MGAT4C: variants seen among roughly 807,000 people sequenced by gnomAD.
MGAT4C encodes the protein MGAT4 family member C.
In MGAT4C, 19 loss-of-function variants were observed where a neutral mutation model predicts 40.1. That is an observed-to-expected ratio of 0.47 (90% CI 0.33 to 0.70). MGAT4C has a LOEUF of 0.70. Among genes scored for constraint, MGAT4C ranks in the 30% least tolerant of loss-of-function variants. The pLI is 0.02. For synonymous variants in MGAT4C, 181 were observed against 187.1 expected, an observed-to-expected ratio of 0.97 and a Z score of 0.27; for missense variants, 491 against 563.2, an observed-to-expected ratio of 0.87 and a Z score of 1.30.
intron 2 of MGAT4C, among the ~76,000 whole-genome samples, chr12:86,628,750 T>C (rs1593059292): frequency 6.6e-6 from 1 of 152,094 alleles, no homozygotes; most frequent in Non-Finnish European, 1.5e-5. Context: ...AAGGAAGCAC[T>C]AAACACGGAA....
At chr12:86,439,432 T>C (rs923020940) in intron 2 of MGAT4C, among the ~76,000 whole-genome samples, 1 of 151,946 alleles carries the variant, frequency 6.6e-6, no homozygotes, top group Non-Finnish European at 1.5e-5. Flanking sequence ...AAATGAATGA[T>C]AACAGTGACA....
At chr12:86,429,799 T>C (rs1956998742) in intron 3 of MGAT4C, among the ~76,000 whole-genome samples, 1 of 152,184 alleles carries the variant, frequency 6.6e-6, no homozygotes, top group Non-Finnish European at 1.5e-5. Flanking sequence ...ATGCTTTCTG[T>C]ATCTGGTTAT....
At chr12:86,096,396 AC>A (rs1190260336) in intron 1 of MGAT4C, among the ~76,000 whole-genome samples, 4 of 145,852 alleles carry the variant, frequency 2.7e-5, no homozygotes, top group Non-Finnish European at 6.1e-5. Context: ...TCTTGAATTA[AC>A]TCCTCCCCTC....
At chr12:86,118,729 AAAAT>A (rs1314683276) in intron 1 of MGAT4C, among the ~76,000 whole-genome samples, 1 of 152,212 alleles carries the variant, frequency 6.6e-6, no homozygotes. Context: ...ACTGACTTTA[AAAAT>A]AAATAGAGAT....
intron 1 of MGAT4C, among the ~76,000 whole-genome samples, chr12:86,835,883 A>T (rs781085055): frequency 7.2e-5 from 11 of 151,878 alleles, no homozygotes; most frequent in Non-Finnish European, 1.5e-4. Context: ...ACACACACAA[A>T]CATCATTAAA....
chr12:86,716,938 T>C lies in MGAT4C; in HGVS notation c.-229+10271A>G, dbSNP rs534794081. On this transcript the variant is annotated intron_variant, in intron 2 of 7. Transcript: ENST00000548651. ...ATTCTTCCTACCTCCTAGCACTATA[T>C]ACTATAATCTAAGCTGTTGTCATTG... Among the ~76,000 whole-genome samples the C allele has an allele frequency of 7.2e-5, 11 of 152,224 alleles. No homozygotes were observed. In the East Asian group the frequency reaches 1.9e-3, roughly 27 times the overall value.
chr12:86,735,706 A>C (rs2136124597), intron 1 of MGAT4C, among the ~76,000 whole-genome samples: 1 of 151,974 alleles, frequency 6.6e-6, no homozygotes, highest in South Asian at 2.1e-4. Context: ...TCAGATACAA[A>C]AGATTAGATC....
rs1180702795 is a variant in MGAT4C, at chr12:85,977,575, T to C, written c.*1714A>G. 6.6e-6 allele frequency: 1 copy of C among 151,370 alleles called. No individual in the cohort carries two copies. The highest frequency in any genetic ancestry group is 1.5e-5 in the Non-Finnish European group (1 of 67,518). The allele number at this position is 151,370 out of a possible 1,614,324, so 9.4% of individuals were successfully genotyped here. ...CTTTAGTAGCTGAATACAAAGAAAA[T>C]ACACAACAGCTGTTTATAAATGAAA... is the stretch of plus-strand genomic sequence containing the variant. On this transcript the variant is annotated 3_prime_UTR_variant, in exon 5 of 5. Coordinates refer to ENST00000611864, the MANE Select transcript of MGAT4C (RefSeq NM_001351288.2).
intron 2 of MGAT4C, among the ~76,000 whole-genome samples, chr12:86,443,205 T>TATAC (rs368032350): frequency 5.3e-5 from 8 of 150,414 alleles, no homozygotes; most frequent in African/African-American, 1.7e-4. Flanking sequence ...TGTATATATA[T>TATAC]ACACACACAC....
intron 1 of MGAT4C, among the ~76,000 whole-genome samples, chr12:86,743,115 C>CGTGTGTGTGT (rs1565960037): frequency 9.2e-6 from 1 of 109,156 alleles, no homozygotes; most frequent in African/African-American, 3.8e-5. Flanking sequence ...TGTGTGTATG[C>CGTGTGTGTGT]ATGTGTGTGT....
At chr12:86,178,908 T>C (rs1162994096) in intron 1 of MGAT4C, among the ~76,000 whole-genome samples, 1 of 152,216 alleles carries the variant, frequency 6.6e-6, no homozygotes, top group Non-Finnish European at 1.5e-5. Flanking sequence ...TTCACCTTTA[T>C]AAGATTCTGT....
chr12:86,215,481 A>T (rs1239287568), intron 1 of MGAT4C, among the ~76,000 whole-genome samples: 1 of 152,156 alleles, frequency 6.6e-6, no homozygotes, highest in Admixed American at 6.5e-5. Flanking sequence ...TCTTTTAATA[A>T]GTAGCAGAAT....
chr12:86,098,627 C>T (rs1201509047), intron 1 of MGAT4C, among the ~76,000 whole-genome samples: 1 of 151,616 alleles, frequency 6.6e-6, no homozygotes, highest in Non-Finnish European at 1.5e-5. Flanking sequence ...AGTCAGTCCT[C>T]CTTAACCTCC....
At position 85,975,840 on chromosome 12, in the gene MGAT4C, C is replaced by T. The variant is rs774516471; in HGVS notation, c.*3449G>A. 3 of 150,972 alleles carry T rather than the reference C, an allele frequency of 2.0e-5. No individual in the cohort carries two copies. The highest frequency in any genetic ancestry group is 6.6e-5 in the Admixed American group (1 of 15,116). 9.4% of individuals were successfully genotyped at this position (150,972 alleles called of 1,614,324 possible). On this transcript the variant is annotated 3_prime_UTR_variant, in exon 5 of 5. Transcript: ENST00000611864. ...AAGTTTAAGTGTGAGCTCTATTACT[C>T]AGTAATATGATGCCATTACTGTGTT...
At chr12:86,375,848 CT>C (rs1433785269) in intron 3 of MGAT4C, among the ~76,000 whole-genome samples, 2 of 151,792 alleles carry the variant, frequency 1.3e-5, no homozygotes, top group Admixed American at 1.3e-4. Context: ...ATAAATATAC[CT>C]CTAGCAATGC....
chr12:86,512,839 G>A (rs1384239982), intron 2 of MGAT4C, among the ~76,000 whole-genome samples: 1 of 151,950 alleles, frequency 6.6e-6, no homozygotes, highest in Non-Finnish European at 1.5e-5. Flanking sequence ...AAGATAATAA[G>A]TTCAAAGATT....
chr12:86,219,053 A>T (rs1266555987), intron 1 of MGAT4C, among the ~76,000 whole-genome samples: 2 of 151,966 alleles, frequency 1.3e-5, no homozygotes, highest in Non-Finnish European at 2.9e-5. Flanking sequence ...GGTGGCAGGC[A>T]CCTGTAGTCC....
intron 2 of MGAT4C, among the ~76,000 whole-genome samples, chr12:86,659,385 C>T (rs1211173562): frequency 6.6e-6 from 1 of 152,004 alleles, no homozygotes; most frequent in African/African-American, 2.4e-5. Context: ...ATTAGATCAA[C>T]TTCAATTAAT....
At chr12:86,147,631 T>G (rs1366129866) in intron 1 of MGAT4C, among the ~76,000 whole-genome samples, 1 of 152,200 alleles carries the variant, frequency 6.6e-6, no homozygotes, top group African/African-American at 2.4e-5. Context: ...AATCCTAATT[T>G]GAGTGGAGCA....
Sources: allele counts gnomAD v4.1 joint callset (sites outside exome capture counted in the v4.1 genomes callset), GRCh38; gene constraint gnomAD v4.1.1; transcripts MANE v1.5; gene names NCBI Gene and HGNC (gene_info 2026-07-23, HGNC 2026-07-21).